TMX1: variants seen among roughly 807,000 people sequenced by gnomAD.
TMX1 encodes thioredoxin-related transmembrane protein 1.
Under a neutral mutation model 36.6 loss-of-function variants are expected in TMX1, and 25 were observed. That is an observed-to-expected ratio of 0.68 (90% CI 0.50 to 0.95). The LOEUF (loss-of-function observed/expected upper bound fraction) is 0.95. TMX1 is among the 40% of genes least tolerant of loss of function. The pLI, the probability that TMX1 is intolerant of heterozygous loss-of-function variation, is 0.00. For synonymous variants in TMX1, 133 were observed against 118.0 expected (o/e 1.13, Z -0.82); for missense variants, 347 against 339.6 (o/e 1.02, Z -0.17).
chr14:51,255,911 A>G lies in TMX1; in HGVS notation c.*1392A>G, dbSNP rs547529582. On this transcript the variant is annotated 3_prime_UTR_variant, in exon 8 of 8. Transcript: ENST00000457354. ...TCCATTAGATTTACAGTATCGTAATATACAAGTTTTCTTTAAAGCCCTCTC... is the reference window on the plus strand; with the variant it reads ...TCCATTAGATTTACAGTATCGTAATGTACAAGTTTTCTTTAAAGCCCTCTC... 2 of 152,648 alleles carry G rather than the reference A, an allele frequency of 1.3e-5. No individual in the cohort carries two copies. The highest frequency in any genetic ancestry group is 1.3e-4 in the Admixed American group (2 of 15,310). The allele number at this position is 152,648 out of a possible 1,614,324, so 9.5% of individuals were successfully genotyped here. A position where few individuals can be genotyped will look rare whatever the true frequency, so the allele number is the denominator to read the frequency against.
Position 51,255,281 on chromosome 14 carries a change from C to G in TMX1, c.*762C>G, listed in dbSNP as rs1417513363. The G allele has an allele frequency of 6.6e-6, 1 of 151,606 alleles. No homozygotes were observed. Among genetic ancestry groups the G allele is most frequent in the African/African-American group, 2.4e-5 (1 of 41,316 alleles). 9.4% of individuals were successfully genotyped at this position (151,606 alleles called of 1,614,324 possible). A position where few individuals can be genotyped will look rare whatever the true frequency, so the allele number is the denominator to read the frequency against. ...AGTAAACAGTATTTTTTTGTTGTTTCAAACTGAAGTTTACTGAGAGATCCA... is the reference window on the plus strand; with the variant it reads ...AGTAAACAGTATTTTTTTGTTGTTTGAAACTGAAGTTTACTGAGAGATCCA... On this transcript the variant is annotated 3_prime_UTR_variant, in exon 8 of 8. Coordinates refer to ENST00000457354, the MANE Select transcript of TMX1 (RefSeq NM_030755.5).
chr14:51,248,818 T>C (rs1321847997), intron 4 of TMX1, among the ~76,000 whole-genome samples: 1 of 152,256 alleles, frequency 6.6e-6, no homozygotes, highest in Non-Finnish European at 1.5e-5. Flanking sequence ...GTAATAATTT[T>C]GTATATCATT....
chr14:51,256,880 C>CT lies in TMX1; in HGVS notation c.*2368dup, dbSNP rs1290565011. The CT allele has an allele frequency of 2.0e-5, 3 of 151,674 alleles. No individual in the cohort carries two copies. The highest frequency in any genetic ancestry group is 2.9e-5 in the Non-Finnish European group (2 of 67,930). 9.4% of individuals were successfully genotyped at this position (151,674 alleles called of 1,614,324 possible). On this transcript the variant is annotated 3_prime_UTR_variant, in exon 8 of 8. Transcript: ENST00000457354. ...TTTGAATCTAATTCTTGTTCCAAAT[C>CT]TTTTTTTGTTTGTTTTTGTTTTTGT... is the stretch of plus-strand genomic sequence containing the variant.
chr14:51,249,814 A>T (rs1375782214), intron 7 of TMX1, 49 bp downstream of exon 7: 2 of 1,371,566 alleles, frequency 1.5e-6, no homozygotes, highest in South Asian at 2.6e-5. Flanking sequence ...AGTCCTATTC[A>T]TTTCTGTAAT....
rs189401439 is a variant in TMX1 at position 51,249,551 on chromosome 14, C to T, written c.573C>T (p.Ser191=). ...TTTTTGCTTTAGCAACTCTGTTTTC[C>T]GGACTGTTATTAGGACTCGTAAGTA... ...YTVFALATLF[S]GLLLGLCMIF... The change falls in exon 6 of 8, where the codon TCC becomes TCT. Residue 191 remains serine (S), a synonymous_variant. Transcript: ENST00000457354. 3,865 of 1,613,382 alleles carry T rather than the reference C, an allele frequency of 2.4e-3. 6 individuals carry two copies. Among genetic ancestry groups the T allele is most frequent in the Non-Finnish European group, 2.9e-3 (3,375 of 1,179,772 alleles).
At chr14:51,243,588 C>T (rs1475063768) in intron 1 of TMX1, among the ~76,000 whole-genome samples, 1 of 152,182 alleles carries the variant, frequency 6.6e-6, no homozygotes, top group East Asian at 1.9e-4. Flanking sequence ...CAAAAGTTTT[C>T]TAAAGAGCTG....
chr14:51,245,662 G>A, intron 3 of TMX1: 1 of 438,052 alleles, frequency 2.3e-6, no homozygotes, highest in East Asian at 5.3e-5. Context: ...GAGTCCTGTA[G>A]GTAATTGGAT....
chr14:51,251,109 T>C (rs1441200846), intron 7 of TMX1, among the ~76,000 whole-genome samples: 3 of 152,330 alleles, frequency 2.0e-5, no homozygotes, highest in East Asian at 3.9e-4. Flanking sequence ...ATGTAAGATA[T>C]AATTTAGTAG....
rs1176315868 is a variant in TMX1, at chr14:51,247,082, T to C, written c.315-10T>C. 1 of 1,596,984 alleles carries C rather than the reference T, an allele frequency of 6.3e-7. No individual in the cohort carries two copies. The highest frequency in any genetic ancestry group is 2.2e-5 in the East Asian group (1 of 44,686). Reference sequence around the variant, plus strand: ...AGTGCTGGATAATATTTAATTCTGATTCTCTTTAGTTGTAAAGATGGTGAA... The same window carrying C: ...AGTGCTGGATAATATTTAATTCTGACTCTCTTTAGTTGTAAAGATGGTGAA... On this transcript the variant is annotated splice_polypyrimidine_tract_variant and intron_variant, in intron 3 of 7. Coordinates refer to ENST00000457354, the MANE Select transcript of TMX1 (RefSeq NM_030755.5).
At chr14:51,254,104 T>C (rs1415144593) in intron 7 of TMX1, 8 of 321,936 alleles carry the variant, frequency 2.5e-5, no homozygotes, top group Non-Finnish European at 3.9e-5. Flanking sequence ...CAGTTCAGTT[T>C]ATAAATAGGT....
rs534918455 is a variant in TMX1, at chr14:51,247,696, CAT to C, written c.443+479_443+480del. Among the ~76,000 whole-genome samples, 44 of 152,234 alleles carry C rather than the reference CAT, an allele frequency of 2.9e-4. No homozygotes were observed. The South Asian group carries it at 7.9e-3, about 27-fold the overall frequency. On this transcript the variant is annotated intron_variant, in intron 4 of 7. Coordinates refer to ENST00000457354, the MANE Select transcript of TMX1 (RefSeq NM_030755.5). ...TTTTAGTTTGACCTTCTAAGTCAAA[CAT>C]ATTTTCATGCTTCTTGAGTTAGAGA...
chr14:51,246,321 G>C (rs1017580324), intron 3 of TMX1, among the ~76,000 whole-genome samples: 3 of 151,878 alleles, frequency 2.0e-5, no homozygotes, highest in African/African-American at 4.8e-5. Flanking sequence ...CCTGCCTGTC[G>C]AAATCTTACC....
chr14:51,247,223 A>G lies in TMX1; in HGVS notation c.443+3A>G, dbSNP rs746542351. ...TGGTTTGGTCCAGGTTCTGTTCTGT[A>G]AGTATGAGGGCTTTTTCTCTTACCC... On this transcript the variant is annotated splice_donor_region_variant and intron_variant, in intron 4 of 7. Coordinates refer to ENST00000457354, the MANE Select transcript of TMX1 (RefSeq NM_030755.5). 3 of 1,609,042 alleles carry G rather than the reference A, an allele frequency of 1.9e-6. No individual in the cohort carries two copies. The highest frequency in any genetic ancestry group is 2.7e-5 in the African/African-American group (2 of 74,772).
In TMX1 at chr14:51,254,596, A is replaced by G; in HGVS notation, c.*77A>G. The stretch of plus-strand genomic sequence containing the variant: ...GATCATTTTGTTTGGTTTGAAGTGA[A>G]CTGTGACTTTTTTGAATATTGCAGG... On this transcript the variant is annotated 3_prime_UTR_variant, in exon 8 of 8. Coordinates refer to ENST00000457354, the MANE Select transcript of TMX1 (RefSeq NM_030755.5). 7.4e-7 allele frequency: 1 copy of G among 1,359,360 alleles called. No homozygotes were observed. The highest frequency in any genetic ancestry group is 1.0e-6 in the Non-Finnish European group (1 of 997,290). 84.2% of individuals were successfully genotyped at this position (1,359,360 alleles called of 1,614,324 possible). A position where few individuals can be genotyped will look rare whatever the true frequency, so the allele number is the denominator to read the frequency against.
At chr14:51,240,548 G>C in intron 1 of TMX1, 104 bp downstream of exon 1, 1 of 1,451,910 alleles carries the variant, frequency 6.9e-7, no homozygotes, top group South Asian at 1.4e-5. Context: ...GCGCCTCCGA[G>C]TTGCGGAGCG....
intron 4 of TMX1, among the ~76,000 whole-genome samples, chr14:51,247,811 C>G (rs547961395): frequency 3.9e-5 from 6 of 152,238 alleles, no homozygotes; most frequent in African/African-American, 1.4e-4. Flanking sequence ...AAACTAAATG[C>G]CCCTAAGAGT....
intron 7 of TMX1, among the ~76,000 whole-genome samples, chr14:51,253,228 A>T (rs567760039): frequency 6.6e-6 from 1 of 152,326 alleles, no homozygotes; most frequent in South Asian, 2.1e-4. Context: ...ATTTAATAGC[A>T]TTCTACTTGC....
intron 2 of TMX1, among the ~76,000 whole-genome samples, chr14:51,244,618 G>A (rs999336870): frequency 4.6e-5 from 7 of 151,990 alleles, no homozygotes; most frequent in Admixed American, 3.9e-4. Context: ...TCATCTTACC[G>A]TTCTCGGTAG....
chr14:51,247,274 A>C, intron 4 of TMX1, 54 bp downstream of exon 4: 1 of 1,557,974 alleles, frequency 6.4e-7, no homozygotes, highest in Non-Finnish European at 8.7e-7. Context: ...GGAACAGATA[A>C]TTATATTTTA....
Sources: allele counts gnomAD v4.1 joint callset (sites outside exome capture counted in the v4.1 genomes callset), GRCh38; gene constraint gnomAD v4.1.1; transcripts MANE v1.5; gene names NCBI Gene and HGNC (gene_info 2026-07-23, HGNC 2026-07-21).